Variants in PDE7B observed in about 807,000 individuals in gnomAD.
The protein encoded by PDE7B is 3',5'-cyclic-AMP phosphodiesterase 7B.
Under a neutral mutation model 56.2 loss-of-function variants are expected in PDE7B, and 29 were observed. That is an observed-to-expected ratio of 0.52 (90% CI 0.38 to 0.70). The LOEUF (loss-of-function observed/expected upper bound fraction) is 0.70, where lower values mean the gene tolerates loss of function less well. Among genes scored for constraint, PDE7B ranks in the 30% least tolerant of loss-of-function variants. The pLI, the probability that PDE7B is intolerant of heterozygous loss-of-function variation, is 0.00. For synonymous variants in PDE7B, 197 were observed against 196.9 expected, an observed-to-expected ratio of 1.00 and a Z score of 0.00; for missense variants, 490 against 565.0, an observed-to-expected ratio of 0.87 and a Z score of 1.35.
chr6:136,002,586 G>T (rs1299034142), intron 2 of PDE7B, among the ~76,000 whole-genome samples: 4 of 152,110 alleles, frequency 2.6e-5, no homozygotes, highest in Non-Finnish European at 5.9e-5. Flanking sequence ...AACCAACAAA[G>T]ATCAAAAGAG....
intron 3 of PDE7B, among the ~76,000 whole-genome samples, chr6:136,120,708 G>C (rs190426257): frequency 0.01 from 1,586 of 152,288 alleles, 16 homozygotes; most frequent in Non-Finnish European, 0.017. Context: ...AGAGCTTGGT[G>C]GTCTTGCTTT....
At chr6:136,012,772 A>C (rs535859480) in intron 2 of PDE7B, 1 of 152,242 alleles carries the variant, frequency 6.6e-6, no homozygotes, top group African/African-American at 2.4e-5. Flanking sequence ...AGTCAAACAT[A>C]TAAGGAAAAG....
chr6:135,867,456 T>A (rs1775283626), intron 1 of PDE7B, among the ~76,000 whole-genome samples: 1 of 152,154 alleles, frequency 6.6e-6, no homozygotes. Flanking sequence ...GGGGTACATG[T>A]GCAGGATGTG....
intron 1 of PDE7B, among the ~76,000 whole-genome samples, chr6:135,900,524 C>T (rs1177389071): frequency 1.3e-5 from 2 of 151,918 alleles, no homozygotes; most frequent in East Asian, 1.9e-4. Flanking sequence ...TTACAGTTTT[C>T]TTTCAATTCT....
At chr6:135,885,327 TG>T (rs1359268175) in intron 1 of PDE7B, among the ~76,000 whole-genome samples, 12 of 103,190 alleles carry the variant, frequency 1.2e-4, no homozygotes, top group Admixed American at 7.5e-4. Flanking sequence ...GCTTGTTTGT[TG>T]TTTTTTTTTT....
chr6:135,982,640 G>C (rs1775316026), intron 2 of PDE7B, among the ~76,000 whole-genome samples: 1 of 152,132 alleles, frequency 6.6e-6, no homozygotes, highest in Admixed American at 6.6e-5. Context: ...TGAAGTCTGG[G>C]ATGAAGCCCA....
chr6:135,884,816 G>C (rs967508665), intron 1 of PDE7B, among the ~76,000 whole-genome samples: 2 of 152,096 alleles, frequency 1.3e-5, no homozygotes, highest in Admixed American at 6.6e-5. Context: ...GTCTTTCACT[G>C]TTTTTCTCGA....
chr6:136,047,899 G>A (rs542007505), intron 2 of PDE7B, among the ~76,000 whole-genome samples: 1 of 152,274 alleles, frequency 6.6e-6, no homozygotes, highest in African/African-American at 2.4e-5. Context: ...AAGGCAGAAT[G>A]GCATATGCTT....
At chr6:135,970,273 A>G (rs1034905051) in intron 2 of PDE7B, among the ~76,000 whole-genome samples, 7 of 151,784 alleles carry the variant, frequency 4.6e-5, no homozygotes, top group Non-Finnish European at 1.0e-4. Context: ...AGGGAGTGAC[A>G]TGGTGGTGGC....
intron 2 of PDE7B, among the ~76,000 whole-genome samples, chr6:136,000,882 G>A (rs1172788137): frequency 6.6e-6 from 1 of 152,186 alleles, no homozygotes. Context: ...TCTGAGAATG[G>A]GCAGACTGCC....
chr6:136,154,295 C>G (rs1778571185), intron 7 of PDE7B, 120 bp downstream of exon 7: 3 of 548,332 alleles, frequency 5.5e-6, no homozygotes, highest in Non-Finnish European at 1.0e-5. Flanking sequence ...AATGTGAACA[C>G]AAATTATTGA....
At chr6:135,904,466 A>C (rs1422359034) in intron 1 of PDE7B, among the ~76,000 whole-genome samples, 3 of 152,176 alleles carry the variant, frequency 2.0e-5, no homozygotes, top group Non-Finnish European at 2.9e-5. Flanking sequence ...CAACCCCTTG[A>C]AAACCCAGAA....
At chr6:136,073,617 G>T (rs1390941585) in intron 2 of PDE7B, among the ~76,000 whole-genome samples, 1 of 152,130 alleles carries the variant, frequency 6.6e-6, no homozygotes. Context: ...GCCTACTCCA[G>T]TGGCCTCATC....
At chr6:136,126,825 A>T (rs1778030244) in intron 3 of PDE7B, among the ~76,000 whole-genome samples, 1 of 152,182 alleles carries the variant, frequency 6.6e-6, no homozygotes, top group South Asian at 2.1e-4. Context: ...AGGTTGAGGG[A>T]TAAAAGATTA....
At chr6:136,173,686 A>G (rs1420530626) in intron 8 of PDE7B, 111 bp from the exon 9 acceptor site, 7 of 733,110 alleles carry the variant, frequency 9.5e-6, no homozygotes, top group Middle Eastern at 2.8e-4. Flanking sequence ...CCTCTGGGTC[A>G]TCAAGTACAA....
chr6:136,146,598 T>C (rs1778415932), intron 3 of PDE7B, among the ~76,000 whole-genome samples: 1 of 152,200 alleles, frequency 6.6e-6, no homozygotes, highest in African/African-American at 2.4e-5. Flanking sequence ...CATTTCCTCA[T>C]GTGTAAACTG....
At chr6:136,085,283 A>G (rs1050840311) in intron 2 of PDE7B, among the ~76,000 whole-genome samples, 1 of 152,206 alleles carries the variant, frequency 6.6e-6, no homozygotes, top group Non-Finnish European at 1.5e-5. Context: ...GGGTCTACCA[A>G]TGTTTCCTGC....
intron 2 of PDE7B, 124 bp downstream of exon 2, chr6:135,947,648 T>C (rs565217726): frequency 2.9e-6 from 2 of 697,652 alleles, no homozygotes; most frequent in Non-Finnish European, 5.2e-6. Flanking sequence ...TTTGTGGTTA[T>C]GCAGACAGCT....
chr6:136,034,721 G>T (rs1003105042), intron 2 of PDE7B: 2 of 163,046 alleles, frequency 1.2e-5, no homozygotes, highest in East Asian at 3.4e-4. Context: ...AGTCCCTTCC[G>T]TGCAGCCATC....
Sources: allele counts gnomAD v4.1 joint callset (sites outside exome capture counted in the v4.1 genomes callset), GRCh38; gene constraint gnomAD v4.1.1; transcripts MANE v1.5; gene names NCBI Gene and HGNC (gene_info 2026-07-23, HGNC 2026-07-21).